SLC44A5: variants seen among roughly 807,000 people sequenced by gnomAD.
SLC44A5 encodes choline transporter-like protein 5.
In SLC44A5, 57 loss-of-function variants were observed where a neutral mutation model predicts 101.8. The ratio of observed to expected loss-of-function variants is 0.56; its 90% CI spans 0.45 to 0.70. The LOEUF (loss-of-function observed/expected upper bound fraction) is 0.70, where lower values mean the gene tolerates loss of function less well. Ranked by LOEUF, SLC44A5 falls within the 30% of genes least tolerant of loss-of-function variation. The pLI is 0.00. For synonymous variants in SLC44A5, 281 were observed against 290.9 expected (o/e 0.97, Z 0.35); for missense variants, 737 against 853.1 (o/e 0.86, Z 1.70).
At chr1:75,368,065 T>G (rs1190329999) in intron 3 of SLC44A5, among the ~76,000 whole-genome samples, 1 of 152,236 alleles carries the variant, frequency 6.6e-6, no homozygotes, top group Non-Finnish European at 1.5e-5. Context: ...TGATTTTTTG[T>G]CAATATTTAT....
intron 3 of SLC44A5, among the ~76,000 whole-genome samples, chr1:75,385,351 C>A (rs4949847): frequency 6.9e-6 from 1 of 145,934 alleles, no homozygotes; most frequent in Admixed American, 6.8e-5. Flanking sequence ...ATCAAATAGA[C>A]ACAATAAAAA....
chr1:75,399,146 G>C (rs1252929579), intron 2 of SLC44A5, among the ~76,000 whole-genome samples: 2 of 151,954 alleles, frequency 1.3e-5, no homozygotes, highest in African/African-American at 4.8e-5. Context: ...TGTGAGTCCT[G>C]CTCCTATTGT....
intron 5 of SLC44A5, among the ~76,000 whole-genome samples, chr1:75,294,098 T>A (rs958321921): frequency 3.9e-5 from 6 of 152,216 alleles, no homozygotes; most frequent in Non-Finnish European, 8.8e-5. Context: ...TCTTACTTTT[T>A]AATTGGGAGA....
At chr1:75,558,691 T>C (rs555392958) in intron 1 of SLC44A5, among the ~76,000 whole-genome samples, 5 of 152,134 alleles carry the variant, frequency 3.3e-5, no homozygotes, top group Non-Finnish European at 5.9e-5. Context: ...TGCGATATTT[T>C]GATGTAGGCC....
intron 1 of SLC44A5, among the ~76,000 whole-genome samples, chr1:75,570,022 G>A (rs1672991278): frequency 6.6e-6 from 1 of 152,168 alleles, no homozygotes; most frequent in Non-Finnish European, 1.5e-5. Flanking sequence ...GCAACTCAAA[G>A]TTATCCCAAC....
the SLC44A5 span, chr1:75,677,822 G>A: frequency 2.5e-6 from 1 of 392,730 alleles, no homozygotes; most frequent in African/African-American, 2.2e-5. Flanking sequence ...GCAGAAGATG[G>A]GTGATTTCTG....
At chr1:75,266,990 C>T (rs1412907384) in intron 6 of SLC44A5, among the ~76,000 whole-genome samples, 1 of 152,180 alleles carries the variant, frequency 6.6e-6, no homozygotes, top group African/African-American at 2.4e-5. Flanking sequence ...ATATTTTAGA[C>T]TTAAAATAGC....
chr1:75,464,450 C>T (rs1165386877), intron 2 of SLC44A5, among the ~76,000 whole-genome samples: 1 of 151,756 alleles, frequency 6.6e-6, no homozygotes, highest in Non-Finnish European at 1.5e-5. Context: ...AATTAAATCA[C>T]ATCACCAGAG....
intron 1 of SLC44A5, among the ~76,000 whole-genome samples, chr1:75,609,101 T>G (rs936898017): frequency 4.6e-5 from 7 of 151,706 alleles, no homozygotes; most frequent in African/African-American, 1.7e-4. Context: ...GAGAACTACA[T>G]GAACGAATAA....
At chr1:75,658,718 A>G in the SLC44A5 span, among the ~76,000 whole-genome samples, 1 of 152,176 alleles carries the variant, frequency 6.6e-6, no homozygotes, top group South Asian at 2.1e-4. Flanking sequence ...ACATCAAAGA[A>G]CTAGAAAAGC....
the SLC44A5 span, among the ~76,000 whole-genome samples, chr1:75,697,174 T>G: frequency 6.6e-6 from 1 of 152,140 alleles, no homozygotes; most frequent in East Asian, 1.9e-4. Context: ...TTTGGGAGGC[T>G]GAGTAAGAGG....
chr1:75,689,340 G>C, the SLC44A5 span, among the ~76,000 whole-genome samples: 9 of 152,140 alleles, frequency 5.9e-5, no homozygotes, highest in African/African-American at 2.2e-4. Flanking sequence ...TTTCCAAACT[G>C]GAAGTAAAAT....
chr1:75,223,844 C>G (rs1647140294), intron 13 of SLC44A5, among the ~76,000 whole-genome samples: 1 of 152,094 alleles, frequency 6.6e-6, no homozygotes, highest in Admixed American at 6.5e-5. Flanking sequence ...ACATTTTATT[C>G]TCTTAAAACA....
chr1:75,432,883 T>C (rs1044621736), intron 2 of SLC44A5, among the ~76,000 whole-genome samples: 2 of 152,098 alleles, frequency 1.3e-5, no homozygotes, highest in African/African-American at 4.8e-5. Flanking sequence ...AACTGAGAGT[T>C]CTGAATATAC....
intron 3 of SLC44A5, among the ~76,000 whole-genome samples, chr1:75,367,532 T>A (rs994019526): frequency 4.6e-5 from 7 of 152,164 alleles, no homozygotes; most frequent in Non-Finnish European, 4.4e-5. Flanking sequence ...TGCTCCTGGA[T>A]CATGGCTCAG....
upstream of SLC44A5, among the ~76,000 whole-genome samples, chr1:75,613,707 G>A (rs1675750991): frequency 6.6e-6 from 1 of 152,218 alleles, no homozygotes; most frequent in East Asian, 1.9e-4. Flanking sequence ...AAGAAAGCTT[G>A]ATTATTAATC....
chr1:75,503,255 C>T (rs2101846025), intron 2 of SLC44A5, among the ~76,000 whole-genome samples: 1 of 152,186 alleles, frequency 6.6e-6, no homozygotes, highest in Admixed American at 6.5e-5. Flanking sequence ...TATCTCAGTA[C>T]TTGAATCACA....
At chr1:75,609,183 C>T (rs532318271) in intron 1 of SLC44A5, among the ~76,000 whole-genome samples, 8 of 151,794 alleles carry the variant, frequency 5.3e-5, no homozygotes, top group African/African-American at 1.7e-4. Context: ...TTCTCAGTCT[C>T]CTATTTATAC....
intron 1 of SLC44A5, among the ~76,000 whole-genome samples, chr1:75,575,892 G>A (rs1292419249): frequency 6.6e-6 from 1 of 152,146 alleles, no homozygotes; most frequent in African/African-American, 2.4e-5. Flanking sequence ...TAGAATGTTG[G>A]GTCAACCAAC....
Sources: gnomAD v4.1 joint callset for allele counts (sites outside exome capture counted in the v4.1 genomes callset) on GRCh38, gnomAD v4.1.1 for gene constraint, MANE v1.5 for transcripts, NCBI Gene and HGNC (gene_info 2026-07-23, HGNC 2026-07-21) for gene names.